The following THAP5 variants were observed in gnomAD, a reference collection of about 807,000 sequenced individuals.
THAP5 encodes the protein THAP domain-containing protein 5.
THAP5 carries 26 observed loss-of-function variants against 34.0 expected under a neutral mutation model. The observed-to-expected ratio is 0.77, with a 90% confidence interval of 0.56 to 1.06. The LOEUF (loss-of-function observed/expected upper bound fraction) is 1.06. THAP5 is among the 50% of genes least tolerant of loss of function. THAP5 has a pLI of 0.00. For synonymous variants in THAP5, 125 were observed against 153.0 expected, an observed-to-expected ratio of 0.82 and a Z score of 1.35; for missense variants, 394 against 452.8, an observed-to-expected ratio of 0.87 and a Z score of 1.18.
upstream of THAP5, chr7:108,569,729 C>G (rs1454298719): frequency 9.8e-6 from 9 of 921,148 alleles, no homozygotes; most frequent in Non-Finnish European, 1.3e-5. Context: ...CCGCCTCCTC[C>G]GGTTTAAGCA....
Position 108,564,506 on chromosome 7 carries a change from T to C in THAP5, c.873A>G (p.Ala291=). ...CTTCCATTTCCGTGGTTTCTTTTTGTGCAGATATAAAAGAATTAACTGAGG... is the reference window on the plus strand; with the variant it reads ...CTTCCATTTCCGTGGTTTCTTTTTGCGCAGATATAAAAGAATTAACTGAGG... ...SKPSVNSFIS[A]QKETTEMEDT... Residue 291 remains alanine, a synonymous_variant, in exon 3 of 3, where the codon GCA becomes GCG. Coordinates refer to ENST00000415914, the MANE Select transcript of THAP5 (RefSeq NM_001130475.3). The C allele has an allele frequency of 6.2e-7, 1 of 1,613,976 alleles. No individual in the cohort carries two copies. Among genetic ancestry groups the C allele is most frequent in the African/African-American group, 1.3e-5 (1 of 75,044 alleles).
chr7:108,541,969 C>T, the THAP5 span, among the ~76,000 whole-genome samples: 14 of 152,228 alleles, frequency 9.2e-5, no homozygotes, highest in Admixed American at 5.9e-4. Flanking sequence ...CTTTTCTCTT[C>T]AAGATGACAT....
At chr7:108,567,668 A>T (rs555556572) in intron 1 of THAP5, among the ~76,000 whole-genome samples, 1 of 152,336 alleles carries the variant, frequency 6.6e-6, no homozygotes, top group East Asian at 1.9e-4. Context: ...TACAAACTGG[A>T]CACTATATTA....
Position 108,564,224 on chromosome 7 carries a change from G to C in THAP5, c.1155C>G (p.Asn385Lys), listed in dbSNP as rs1253138594. Residue 385 changes from asparagine to lysine, a missense_variant, in exon 3 of 3, where the codon AAC (asparagine) becomes AAG (lysine). Physicochemically the swap from Asn to Lys is moderately conservative, Grantham distance 94. Coordinates refer to ENST00000415914, the MANE Select transcript of THAP5 (RefSeq NM_001130475.3). The stretch of plus-strand genomic sequence containing the variant: ...TAGTGACTTCATATGTTGTAAAATG[G>C]TTTTCTATAATCTTGACGTTTTCTT... ...LSEENVKIIE[N>K]HFTTYEVTMI The C allele has an allele frequency of 1.9e-6, 3 of 1,601,678 alleles. No homozygotes were observed. Among genetic ancestry groups the C allele is most frequent in the African/African-American group, 1.4e-5 (1 of 73,884 alleles).
At chr7:108,567,236 T>C (rs1790505485) in intron 1 of THAP5, among the ~76,000 whole-genome samples, 2 of 152,176 alleles carry the variant, frequency 1.3e-5, no homozygotes, top group South Asian at 4.1e-4. Context: ...TTAAAAATAT[T>C]TTAACTTTAC....
In THAP5 at chr7:108,565,098, T is replaced by G. The variant is rs1192308072; in HGVS notation, c.281A>C (p.Asp94Ala). 6.6e-7 allele frequency: 1 copy of G among 1,503,784 alleles called. No individual in the cohort carries two copies. The highest frequency in any genetic ancestry group is 8.9e-7 in the Non-Finnish European group (1 of 1,129,678). The allele number at this position is 1,503,784 out of a possible 1,614,324, so 93.2% of individuals were successfully genotyped here. ...CTTCTGGGATTTTTTTTTAGAAGGG[T>G]CTTTTCCCTAGAAAATAATATTTTC... is the stretch of plus-strand genomic sequence containing the variant. ...FSLPEDNQGKDPSKKKSQKKN... is the reference protein window; with the variant it reads ...FSLPEDNQGKAPSKKKSQKKN... Residue 94 changes from aspartate to alanine, a missense_variant, in exon 3 of 3, where the codon GAC becomes GCC. Transcript: ENST00000415914.
Position 108,565,691 on chromosome 7 carries a change from A to G in THAP5, c.273+139T>C, listed in dbSNP as rs1426154044. On this transcript the variant is annotated intron_variant, in intron 2 of 2. Transcript: ENST00000415914. ...TTTTTTTTAATTATCACTTTTAGTA[A>G]AAGCACAAATTAGTGCTCCCTTTTT... 3.0e-5 allele frequency: 18 copies of G among 605,674 alleles called. No individual in the cohort carries two copies. The East Asian group carries it at 5.3e-4, about 18-fold the overall frequency. 37.5% of individuals were successfully genotyped at this position (605,674 alleles called of 1,614,324 possible).
downstream of THAP5, among the ~76,000 whole-genome samples, chr7:108,552,198 G>A (rs1010555128): frequency 6.6e-6 from 1 of 152,164 alleles, no homozygotes; most frequent in East Asian, 1.9e-4. Context: ...TGCCAGGTAA[G>A]GAGCGAAACA....
chr7:108,554,375 A>G (rs1452566899), downstream of THAP5, among the ~76,000 whole-genome samples: 2 of 152,168 alleles, frequency 1.3e-5, no homozygotes, highest in African/African-American at 4.8e-5. Context: ...ATTTTTCAAG[A>G]TGAGCTGCAT....
At chr7:108,557,272 G>A (rs1011670736), downstream of THAP5, among the ~76,000 whole-genome samples, 1 of 152,234 alleles carries the variant, frequency 6.6e-6, no homozygotes. Context: ...GATTTCTGCA[G>A]CCTTTTATTC....
chr7:108,547,710 C>G, the THAP5 span, among the ~76,000 whole-genome samples: 1 of 152,234 alleles, frequency 6.6e-6, no homozygotes, highest in South Asian at 2.1e-4. Context: ...TTCTTTTAGT[C>G]CTAGTTCTAT....
At chr7:108,560,148 C>T (rs1016824254), downstream of THAP5, among the ~76,000 whole-genome samples, 1 of 152,146 alleles carries the variant, frequency 6.6e-6, no homozygotes, top group Non-Finnish European at 1.5e-5. Flanking sequence ...CTGCCTGGTT[C>T]TTACTTTCTC....
rs372222207 is a variant in THAP5 at position 108,564,784 on chromosome 7, T to A, written c.595A>T (p.Asn199Tyr). The change falls in exon 3 of 3, where the codon AAT (asparagine) becomes TAT (tyrosine). Residue 199 changes from asparagine to tyrosine, a missense_variant. Physicochemically the swap from Asn to Tyr is moderately radical, Grantham distance 143. Transcript: ENST00000415914. ...GRGGFHTCFE[N>Y]LNSTTITLTT... is the part of the protein sequence containing the mutation. ...AAAGTAATAGTTGTAGAATTTAGAT[T>A]CTCAAAACATGTGTGAAAACCACCT... is the stretch of plus-strand genomic sequence containing the variant. The A allele has an allele frequency of 4.9e-5, 79 of 1,613,114 alleles. No homozygotes were observed. Among genetic ancestry groups the A allele is most frequent in the Non-Finnish European group, 6.4e-5 (75 of 1,179,378 alleles).
downstream of THAP5, among the ~76,000 whole-genome samples, chr7:108,558,796 G>A (rs992262479): frequency 1.3e-5 from 2 of 151,944 alleles, no homozygotes; most frequent in Non-Finnish European, 2.9e-5. Flanking sequence ...TAGCATATCT[G>A]TGTGGTTATC....
chr7:108,555,702 C>CTT (rs11344007), intron 1 of THAP5, among the ~76,000 whole-genome samples: 1,352 of 128,814 alleles, frequency 0.01, 16 homozygotes, highest in Non-Finnish European at 0.015. Flanking sequence ...GCACCTTTTT[C>CTT]TTTTTTTTTT....
rs1790382619 is a variant in THAP5 at position 108,562,830 on chromosome 7, C to A, written c.*1361G>T. 6.6e-6 allele frequency: 1 copy of A among 152,160 alleles called. No homozygotes were observed. Among genetic ancestry groups the A allele is most frequent in the Non-Finnish European group, 1.5e-5 (1 of 68,026 alleles). 9.4% of individuals were successfully genotyped at this position (152,160 alleles called of 1,614,324 possible). A position where few individuals can be genotyped will look rare whatever the true frequency, so the allele number is the denominator to read the frequency against. On this transcript the variant is annotated 3_prime_UTR_variant, in exon 3 of 3. Coordinates refer to ENST00000415914, the MANE Select transcript of THAP5 (RefSeq NM_001130475.3). Reference sequence around the variant, plus strand: ...AGTATTTTTATTTACATTACCATTACTTCTCTTTTCTAAGAGAAATTCTTT... The same window carrying A: ...AGTATTTTTATTTACATTACCATTAATTCTCTTTTCTAAGAGAAATTCTTT...
chr7:108,542,382 C>A, the THAP5 span, among the ~76,000 whole-genome samples: 1 of 152,292 alleles, frequency 6.6e-6, no homozygotes, highest in Non-Finnish European at 1.5e-5. Flanking sequence ...TTGAAAAAAA[C>A]AAGCATTTTA....
rs1790446955 is a variant in THAP5, at chr7:108,564,762, G to A, written c.617C>T (p.Thr206Ile). The A allele has an allele frequency of 8.1e-6, 13 of 1,613,268 alleles. No homozygotes were observed. The highest frequency in any genetic ancestry group is 1.1e-5 in the Non-Finnish European group (13 of 1,179,474). Residue 206 changes from threonine to isoleucine, a missense_variant, in exon 3 of 3, where the codon ACT (threonine) becomes ATT (isoleucine). Transcript: ENST00000415914. ...CFENLNSTTI[T>I]LTTSNSESIH... ...ACTTTCTGAATTTGAAGTTGTCAAA[G>A]TAATAGTTGTAGAATTTAGATTCTC...
chr7:108,569,235 C>G, intron 1 of THAP5: 2 of 1,371,042 alleles, frequency 1.5e-6, no homozygotes, highest in Non-Finnish European at 1.9e-6. Flanking sequence ...CAGAAGCCCG[C>G]GCAAACTTTA....
Sources: gnomAD v4.1 joint callset for allele counts (sites outside exome capture counted in the v4.1 genomes callset) on GRCh38, gnomAD v4.1.1 for gene constraint, MANE v1.5 for transcripts, NCBI Gene and HGNC (gene_info 2026-07-23, HGNC 2026-07-21) for gene names.